Variants in STAT5A observed in about 807,000 individuals in gnomAD.
The protein encoded by STAT5A is epididymis secretory sperm binding protein.
In STAT5A, 26 loss-of-function variants were observed where a neutral mutation model predicts 100.2. That is an observed-to-expected ratio of 0.26 (90% CI 0.19 to 0.36). The LOEUF is 0.36. Ranked by LOEUF, STAT5A falls within the 10% of genes least tolerant of loss-of-function variation. The pLI, the probability that STAT5A is intolerant of heterozygous loss-of-function variation, is 1.00. For synonymous variants in STAT5A, 330 were observed against 424.3 expected (o/e 0.78, Z 2.73); for missense variants, 634 against 1,027.5 (o/e 0.62, Z 5.24).
At chr17:42,306,555 A>G in intron 13 of STAT5A, 108 bp downstream of exon 13, 2 of 1,503,778 alleles carry the variant, frequency 1.3e-6, no homozygotes, top group Non-Finnish European at 1.8e-6. Flanking sequence ...CTCCACCCCC[A>G]ACCACTCTCT....
Position 42,310,637 on chromosome 17 carries a change from CT to C in STAT5A, c.2357del (p.Phe786SerfsTer30), listed in dbSNP as rs1567695721. 6.2e-7 allele frequency: 1 copy of C among 1,614,222 alleles called. No homozygotes were observed. Among genetic ancestry groups the C allele is most frequent in the Non-Finnish European group, 8.5e-7 (1 of 1,180,028 alleles). ...LDSRLSPPAG[L>X]FTSARGSLS ...CTCCCGCCTCTCGCCCCCTGCCGGT[CT>C]TTTCACCTCTGCCAGAGGCTCCCTC... On this transcript the variant is annotated frameshift_variant, in exon 19 of 19. Coordinates refer to ENST00000590949, the MANE Select transcript of STAT5A (RefSeq NM_001288718.2). LOFTEE classifies it high-confidence loss of function.
Position 42,289,879 on chromosome 17 carries a change from T to C in STAT5A, c.142T>C (p.Leu48=), listed in dbSNP as rs781594400. The part of the protein sequence containing the change: ...IESQPWDAID[L]DNPQDRAQAT... Reference sequence around the variant, plus strand: ...CCCTGCCCCAAGGGATGCCATTGACTTGGACAATCCCCAGGACAGAGCCCA... The same window carrying C: ...CCCTGCCCCAAGGGATGCCATTGACCTGGACAATCCCCAGGACAGAGCCCA... Residue 48 remains leucine (L), a synonymous_variant, in exon 3 of 19, where the codon TTG becomes CTG. Transcript: ENST00000590949. The C allele has an allele frequency of 2.7e-5, 42 of 1,574,374 alleles. No homozygotes were observed.
upstream of STAT5A, chr17:42,287,607 A>C (rs554173758): frequency 4.9e-4 from 74 of 152,484 alleles, no homozygotes; most frequent in African/African-American, 1.8e-3. Flanking sequence ...GGAGGACTCA[A>C]GACGGTCCCT....
chr17:42,305,757 G>C, intron 12 of STAT5A, 55 bp downstream of exon 12: 1 of 1,582,202 alleles, frequency 6.3e-7, no homozygotes, highest in South Asian at 1.1e-5. Flanking sequence ...GACTCACCTG[G>C]GGTCAGCCCC....
At chr17:42,303,227 C>T (rs1321986185) in intron 9 of STAT5A, among the ~76,000 whole-genome samples, 2 of 150,496 alleles carry the variant, frequency 1.3e-5, no homozygotes, top group African/African-American at 4.9e-5. Flanking sequence ...GCCTGGGCAA[C>T]AAAAGCAAGA....
chr17:42,295,723 T>A lies in STAT5A; in HGVS notation c.480T>A (p.Asn160Lys). Residue 160 changes from asparagine to lysine, a missense_variant, in exon 5 of 19, where the codon AAT (asparagine) becomes AAA (lysine). Asn to Lys is a moderately conservative substitution (Grantham distance 94, BLOSUM62 0). Transcript: ENST00000590949. ...ELRLVTQDTE[N>K]ELKKLQQTQE... is the part of the protein sequence containing the mutation. ...GACTGGTCACGCAGGACACAGAGAATGAGCTGAAGAAACTGCAGCAGACTC... is the reference window on the plus strand; with the variant it reads ...GACTGGTCACGCAGGACACAGAGAAAGAGCTGAAGAAACTGCAGCAGACTC... 6.2e-7 allele frequency: 1 copy of A among 1,613,946 alleles called. No individual in the cohort carries two copies. The highest frequency in any genetic ancestry group is 8.5e-7 in the Non-Finnish European group (1 of 1,179,976).
intron 18 of STAT5A, 68 bp downstream of exon 18, chr17:42,309,552 A>AGGGCTGGC: frequency 2.6e-6 from 4 of 1,524,642 alleles, no homozygotes; most frequent in Non-Finnish European, 3.6e-6. Flanking sequence ...GGACTCCTGG[A>AGGGCTGGC]GGGCTGGCGG....
Position 42,310,778 on chromosome 17 carries a change from T to TTGTGTGTGTG in STAT5A, c.*123_*132dup. On this transcript the variant is annotated 3_prime_UTR_variant, in exon 19 of 19. Transcript: ENST00000590949. The stretch of plus-strand genomic sequence containing the variant: ...GACACCTTTGCAGGCATGCATGTGC[T>TTGTGTGTGTG]TGTGTGTGTGTGTGTGTGTGTGTCC... 7.0e-7 allele frequency: 1 copy of TTGTGTGTGTG among 1,426,056 alleles called. No individual in the cohort carries two copies. Among genetic ancestry groups the TTGTGTGTGTG allele is most frequent in the Non-Finnish European group, 9.4e-7 (1 of 1,061,146 alleles). The allele number at this position is 1,426,056 out of a possible 1,614,324, so 88.3% of individuals were successfully genotyped here. A position where few individuals can be genotyped will look rare whatever the true frequency, so the allele number is the denominator to read the frequency against.
intron 3 of STAT5A, among the ~76,000 whole-genome samples, chr17:42,290,979 C>T (rs2080863475): frequency 6.6e-6 from 1 of 152,100 alleles, no homozygotes; most frequent in Non-Finnish European, 1.5e-5. Flanking sequence ...TTATTGTGCA[C>T]TTTATTTCTA....
intron 12 of STAT5A, among the ~76,000 whole-genome samples, 153 bp downstream of exon 12, chr17:42,305,855 G>A (rs567057830): frequency 7.9e-5 from 12 of 152,178 alleles, no homozygotes; most frequent in East Asian, 1.9e-4. Flanking sequence ...GGTGCTGGGC[G>A]CCTGCCTTCC....
intron 9 of STAT5A, among the ~76,000 whole-genome samples, chr17:42,302,178 A>T (rs561698613): frequency 6.6e-6 from 1 of 152,322 alleles, no homozygotes; most frequent in Admixed American, 6.5e-5. Context: ...AAAAAATCAC[A>T]CAAAGTATGG....
At chr17:42,298,104 G>T (rs2080936816) in intron 5 of STAT5A, among the ~76,000 whole-genome samples, 1 of 151,882 alleles carries the variant, frequency 6.6e-6, no homozygotes, top group South Asian at 2.1e-4. Flanking sequence ...CTTAGCCTGG[G>T]TTATTGATAC....
intron 18 of STAT5A, chr17:42,309,764 G>A (rs1243879820): frequency 5.4e-6 from 2 of 367,632 alleles, no homozygotes; most frequent in Admixed American, 8.4e-5. Context: ...TGCCTCATGA[G>A]AATGGGATGA....
In STAT5A at chr17:42,309,359, G is replaced by T; in HGVS notation, c.2115-18G>T. The T allele has an allele frequency of 6.2e-7, 1 of 1,611,826 alleles. No individual in the cohort carries two copies. On this transcript the variant is annotated intron_variant, in intron 17 of 18. Transcript: ENST00000590949. Reference sequence around the variant, plus strand: ...CGGCCTCCCTGGTGGCTGAAGCTCTGTTCTCTTCCTTCTGCAGGTTTGTGA... The same window carrying T: ...CGGCCTCCCTGGTGGCTGAAGCTCTTTTCTCTTCCTTCTGCAGGTTTGTGA...
At position 42,289,386 on chromosome 17, in the gene STAT5A, G is replaced by A; in HGVS notation, c.-10-16G>A. The A allele has an allele frequency of 1.3e-6, 2 of 1,594,454 alleles. No homozygotes were observed. The highest frequency in any genetic ancestry group is 8.5e-7 in the Non-Finnish European group (1 of 1,171,250). On this transcript the variant is annotated splice_polypyrimidine_tract_variant and intron_variant, in intron 1 of 18. Transcript: ENST00000590949. The stretch of plus-strand genomic sequence containing the variant: ...CCTCTGCAGAGGAGAGCGCTTCAGC[G>A]CTCGGCTCGCCCTAGGTGAACGGCC...
At chr17:42,305,740 G>A (rs371386603) in intron 12 of STAT5A, 38 bp downstream of exon 12, 2 of 1,604,590 alleles carry the variant, frequency 1.2e-6, no homozygotes, top group Non-Finnish European at 1.7e-6. Flanking sequence ...GCACCCCCAG[G>A]CCCTAGGACT....
At position 42,310,941 on chromosome 17, in the gene STAT5A, G is replaced by A. The variant is rs890798048; in HGVS notation, c.*272G>A. On this transcript the variant is annotated 3_prime_UTR_variant, in exon 19 of 19. Coordinates refer to ENST00000590949, the MANE Select transcript of STAT5A (RefSeq NM_001288718.2). ...TGGTAGAGACCGAGCCTCTGTCACT[G>A]CAGGCACTCAATGCAGCCAGACCTA... 6 of 503,200 alleles carry A rather than the reference G, an allele frequency of 1.2e-5. No individual in the cohort carries two copies. The highest frequency in any genetic ancestry group is 1.9e-5 in the African/African-American group (1 of 51,974). 31.2% of individuals were successfully genotyped at this position (503,200 alleles called of 1,614,324 possible). A position where few individuals can be genotyped will look rare whatever the true frequency, so the allele number is the denominator to read the frequency against.
In STAT5A at chr17:42,304,475, A is replaced by G; in HGVS notation, c.1257+46A>G. On this transcript the variant is annotated intron_variant, in intron 10 of 18. Coordinates refer to ENST00000590949, the MANE Select transcript of STAT5A (RefSeq NM_001288718.2). This position sits in a 1 kb window ranked among gnomAD's most constrained non-coding sequence, Gnocchi z 4.8. ...CGGAGGGCAGGTCTGCCCAGAGCTG[A>G]GTCCTTGTAAGCAGCCGCCATCTCC... The G allele has an allele frequency of 1.2e-6, 2 of 1,614,170 alleles. No homozygotes were observed. The highest frequency in any genetic ancestry group is 1.7e-6 in the Non-Finnish European group (2 of 1,179,964).
Position 42,293,006 on chromosome 17 carries a change from G to C in STAT5A, c.375+945G>C, listed in dbSNP as rs2080885931. Among the ~76,000 whole-genome samples the C allele has an allele frequency of 3.3e-5, 5 of 152,292 alleles. No individual in the cohort carries two copies. In the South Asian group the frequency reaches 1.0e-3, roughly 32 times the overall value. ...AACTAACACAGGCAGGCTCAGAGAA[G>C]TGAGGCCCAGGGAGGGGTAACAGGG... On this transcript the variant is annotated intron_variant, in intron 4 of 18. Coordinates refer to ENST00000590949, the MANE Select transcript of STAT5A (RefSeq NM_001288718.2).
Sources: gnomAD v4.1 joint callset for allele counts (sites outside exome capture counted in the v4.1 genomes callset) on GRCh38, gnomAD v4.1.1 for gene constraint, Gnocchi (gnomAD v3.1) non-coding constraint, MANE v1.5 for transcripts, NCBI Gene and HGNC (gene_info 2026-07-23, HGNC 2026-07-21) for gene names.